Variants in ABTB3 observed in about 807,000 individuals in gnomAD.
The protein encoded by ABTB3 is ankyrin repeat- and BTB/POZ domain-containing protein 3.
chr12:107,485,216 G>A, the ABTB3 span, among the ~76,000 whole-genome samples: 1 of 152,116 alleles, frequency 6.6e-6, no homozygotes, highest in African/African-American at 2.4e-5. Flanking sequence ...CAAATTCATT[G>A]CTTCTTTCCT....
At chr12:107,370,241 TCTC>T in the ABTB3 span, among the ~76,000 whole-genome samples, 1 of 152,198 alleles carries the variant, frequency 6.6e-6, no homozygotes, top group African/African-American at 2.4e-5. Flanking sequence ...ATGGATGACT[TCTC>T]CTCAGTTCTT....
the ABTB3 span, among the ~76,000 whole-genome samples, chr12:107,411,447 A>C: frequency 1.3e-5 from 2 of 152,212 alleles, no homozygotes; most frequent in Non-Finnish European, 2.9e-5. Flanking sequence ...AAATGCTGAA[A>C]TTTATGTAAG....
the ABTB3 span, among the ~76,000 whole-genome samples, chr12:107,531,232 T>A: frequency 1.3e-5 from 2 of 152,300 alleles, no homozygotes; most frequent in Non-Finnish European, 2.9e-5. Flanking sequence ...GATGTGACAA[T>A]CAAAATGTGT....
At chr12:107,330,335 G>A in the ABTB3 span, among the ~76,000 whole-genome samples, 1 of 152,194 alleles carries the variant, frequency 6.6e-6, no homozygotes, top group Non-Finnish European at 1.5e-5. Context: ...TCAGAGAGCA[G>A]ACTGGAAGGG....
chr12:107,618,769 A>G, the ABTB3 span, among the ~76,000 whole-genome samples: 1 of 152,208 alleles, frequency 6.6e-6, no homozygotes, highest in Non-Finnish European at 1.5e-5. Context: ...AAATCTTTAT[A>G]TTTAACAATC....
the ABTB3 span, among the ~76,000 whole-genome samples, chr12:107,452,394 G>A: frequency 6.6e-6 from 1 of 151,926 alleles, no homozygotes; most frequent in Non-Finnish European, 1.5e-5. Context: ...TTTTAGTAGA[G>A]ACGGGGTTTC....
the ABTB3 span, among the ~76,000 whole-genome samples, chr12:107,462,856 C>T: frequency 8.4e-5 from 12 of 142,932 alleles, no homozygotes; most frequent in Non-Finnish European, 1.4e-4. Flanking sequence ...ATAGTAGTGA[C>T]CGTGATGATA....
the ABTB3 span, among the ~76,000 whole-genome samples, chr12:107,380,996 A>G: frequency 1.3e-3 from 205 of 152,316 alleles, 1 homozygote; most frequent in African/African-American, 4.7e-3. Context: ...AGAGGTATAT[A>G]TAAGAATGGT....
At chr12:107,628,950 G>A in the ABTB3 span, among the ~76,000 whole-genome samples, 21 of 152,140 alleles carry the variant, frequency 1.4e-4, no homozygotes, top group African/African-American at 4.1e-4. Context: ...ACTCCAGCCT[G>A]AGCCACCTAT....
the ABTB3 span, among the ~76,000 whole-genome samples, chr12:107,419,887 A>G: frequency 6.6e-6 from 1 of 152,242 alleles, no homozygotes; most frequent in Non-Finnish European, 1.5e-5. Context: ...AGGGAGCAGC[A>G]TGAACCAATG....
the ABTB3 span, chr12:107,635,406 A>T: frequency 2.5e-6 from 4 of 1,608,540 alleles, no homozygotes; most frequent in Non-Finnish European, 3.4e-6. Context: ...TGGTTCCCCC[A>T]GGCCTGTGTT....
At chr12:107,527,265 A>G in the ABTB3 span, among the ~76,000 whole-genome samples, 3 of 148,136 alleles carry the variant, frequency 2.0e-5, no homozygotes, top group Non-Finnish European at 4.5e-5. Flanking sequence ...TGTAAATCCC[A>G]TAAGAGTTGA....
chr12:107,319,438 G>C, the ABTB3 span: 1 of 1,607,418 alleles, frequency 6.2e-7, no homozygotes, highest in Non-Finnish European at 8.5e-7. Context: ...AGAGCGCCAT[G>C]GAGATCGTGC....
At chr12:107,554,838 G>A in the ABTB3 span, among the ~76,000 whole-genome samples, 15 of 152,146 alleles carry the variant, frequency 9.9e-5, 1 homozygote, top group South Asian at 2.1e-4. Flanking sequence ...TTCCTTAACC[G>A]AAAACAACCT....
the ABTB3 span, among the ~76,000 whole-genome samples, chr12:107,534,351 A>G: frequency 1.2e-4 from 18 of 152,310 alleles, no homozygotes; most frequent in Admixed American, 7.8e-4. Flanking sequence ...ATAAGTAGAA[A>G]GATTTTTAAT....
the ABTB3 span, among the ~76,000 whole-genome samples, chr12:107,358,074 C>T: frequency 6.6e-6 from 1 of 152,158 alleles, no homozygotes; most frequent in Admixed American, 6.5e-5. Flanking sequence ...CCAGACAGTA[C>T]TCTGGGGTCC....
chr12:107,632,979 C>T, the ABTB3 span, among the ~76,000 whole-genome samples: 1 of 152,218 alleles, frequency 6.6e-6, no homozygotes, highest in East Asian at 1.9e-4. Flanking sequence ...TCATCTTGTT[C>T]TCCCCCCTCC....
At chr12:107,565,694 G>A in the ABTB3 span, among the ~76,000 whole-genome samples, 65 of 152,226 alleles carry the variant, frequency 4.3e-4, no homozygotes, top group East Asian at 1.4e-3. Flanking sequence ...TCACCCCCTC[G>A]TTGGTAGTTG....
the ABTB3 span, among the ~76,000 whole-genome samples, chr12:107,532,899 C>A: frequency 1.3e-5 from 2 of 151,934 alleles, no homozygotes; most frequent in Non-Finnish European, 2.9e-5. Context: ...AAAAAAAATC[C>A]TGCCAGCCAA....
Sources: gnomAD v4.1 joint callset for allele counts (sites outside exome capture counted in the v4.1 genomes callset) on GRCh38, gnomAD v4.1.1 for gene constraint, MANE v1.5 for transcripts, NCBI Gene and HGNC (gene_info 2026-07-23, HGNC 2026-07-21) for gene names.